Variants in CYP4F12 observed in about 807,000 individuals in gnomAD.
CYP4F12 encodes the protein cytochrome P450 family 4 subfamily F member 12.
In CYP4F12, 60 loss-of-function variants were observed where a neutral mutation model predicts 56.5. The observed-to-expected ratio is 1.06, with a 90% confidence interval of 0.86 to 1.32. The LOEUF is 1.32. Among genes scored for constraint, CYP4F12 ranks in the 40% most tolerant of loss-of-function variants. The probability of loss-of-function intolerance (pLI) is 0.00; values close to 1 mark genes in which losing one functional copy is unlikely to be tolerated. For synonymous variants in CYP4F12, 263 were observed against 264.9 expected, an observed-to-expected ratio of 0.99 and a Z score of 0.07; for missense variants, 711 against 683.5, an observed-to-expected ratio of 1.04 and a Z score of -0.45.
At chr19:15,680,833 A>T in intron 5 of CYP4F12, 1 of 384,660 alleles carries the variant, frequency 2.6e-6, no homozygotes, top group South Asian at 2.1e-5. Flanking sequence ...TCATTGGCTT[A>T]GAGCCATAAG....
intron 3 of CYP4F12, 129 bp downstream of exon 3, chr19:15,678,534 T>A: frequency 8.0e-7 from 1 of 1,251,588 alleles, no homozygotes; most frequent in Non-Finnish European, 1.1e-6. Context: ...TCTCCCTCCA[T>A]TGCCATCTGC....
In CYP4F12 at chr19:15,696,248, C is replaced by T. The variant is rs367712826; in HGVS notation, c.1314+23C>T. The stretch of plus-strand genomic sequence containing the variant: ...GAGGTGCTGCCTTCCCCATTCACCA[C>T]CACCACCCCCATCCTCTACTTTTGT... On this transcript the variant is annotated intron_variant, in intron 11 of 12. Coordinates refer to ENST00000550308, the MANE Select transcript of CYP4F12 (RefSeq NM_023944.4). 2.5e-6 allele frequency: 4 copies of T among 1,613,702 alleles called. No individual in the cohort carries two copies. In the African/African-American group the frequency reaches 4.0e-5, roughly 16 times the overall value.
intron 3 of CYP4F12, among the ~76,000 whole-genome samples, chr19:15,679,755 C>A (rs1375524605): frequency 2.0e-5 from 3 of 152,196 alleles, no homozygotes; most frequent in Non-Finnish European, 4.4e-5. Context: ...TTTCGGAATC[C>A]ATTCTAATCA....
chr19:15,695,961 C>A lies in CYP4F12; in HGVS notation c.1141C>A (p.Leu381Met). Residue 381 changes from leucine (L) to methionine (M), a missense_variant, in exon 10 of 13, where the codon CTG becomes ATG. Coordinates refer to ENST00000550308, the MANE Select transcript of CYP4F12 (RefSeq NM_023944.4). ...GGACGACCTGGCCCAGCTGCCCTTC[C>A]TGACCATGTGCGTGAAGGAGAGCCT... ...EWDDLAQLPF[L>M]TMCVKESLRL... 1 of 1,613,802 alleles carries A rather than the reference C, an allele frequency of 6.2e-7. No homozygotes were observed. The highest frequency in any genetic ancestry group is 8.5e-7 in the Non-Finnish European group (1 of 1,179,892).
intron 5 of CYP4F12, chr19:15,681,398 G>A (rs1190154059): frequency 6.6e-6 from 1 of 152,230 alleles, no homozygotes. Context: ...AAACTGATAA[G>A]TTAGCTTGTT....
chr19:15,673,327 G>C, intron 1 of CYP4F12, 192 bp downstream of exon 1: 2 of 606,498 alleles, frequency 3.3e-6, no homozygotes. Flanking sequence ...TTCCCTTTCT[G>C]TGTGGTTACC....
At position 15,682,523 on chromosome 19, in the gene CYP4F12, C is replaced by T. The variant is rs1351492055; in HGVS notation, c.647+13C>T. 20 of 1,612,330 alleles carry T rather than the reference C, an allele frequency of 1.2e-5. No homozygotes were observed. Among genetic ancestry groups the T allele is most frequent in the East Asian group, 4.5e-5 (2 of 44,818 alleles). ...GCCATTGTCAGGAGTGAGTTCCTTCCTAGGGCCTGGGATATGAATCCATGG... is the reference window on the plus strand; with the variant it reads ...GCCATTGTCAGGAGTGAGTTCCTTCTTAGGGCCTGGGATATGAATCCATGG... On this transcript the variant is annotated intron_variant, in intron 6 of 12. Transcript: ENST00000550308.
intron 9 of CYP4F12, among the ~76,000 whole-genome samples, chr19:15,691,393 C>T (rs1308818625): frequency 6.6e-6 from 1 of 152,214 alleles, no homozygotes; most frequent in Non-Finnish European, 1.5e-5. Context: ...AGACCATTTG[C>T]ATTCTACAGT....
intron 9 of CYP4F12, 105 bp downstream of exon 9, chr19:15,685,302 A>G: frequency 1.3e-6 from 2 of 1,506,440 alleles, no homozygotes; most frequent in African/African-American, 1.4e-5. Context: ...ACTATTGCTT[A>G]GTGGGTATAA....
In CYP4F12 at chr19:15,678,400, C is replaced by T; in HGVS notation, c.338C>T (p.Ala113Val). Reference protein sequence around the residue: ...HPDTIRSITNASAAIAPKDNL... With the variant: ...HPDTIRSITNVSAAIAPKDNL... ...GACACCATCCGGTCTATCACCAATGCCTCAGGTACCCATGCAGAGCTTGTG... is the reference window on the plus strand; with the variant it reads ...GACACCATCCGGTCTATCACCAATGTCTCAGGTACCCATGCAGAGCTTGTG... The change falls in exon 3 of 13, where the codon GCC becomes GTC. Residue 113 changes from alanine (A) to valine (V), a missense_variant. Ala to Val is a moderately conservative substitution (Grantham distance 64, BLOSUM62 0). Coordinates refer to ENST00000550308, the MANE Select transcript of CYP4F12 (RefSeq NM_023944.4). The T allele has an allele frequency of 6.2e-7, 1 of 1,614,146 alleles. No individual in the cohort carries two copies.
At chr19:15,683,105 A>G (rs910819918) in intron 6 of CYP4F12, among the ~76,000 whole-genome samples, 22 of 151,800 alleles carry the variant, frequency 1.4e-4, no homozygotes, top group Non-Finnish European at 1.0e-4. Context: ...AGAGAGAGAG[A>G]GAGAAAGAGA....
chr19:15,682,769 G>T (rs752329497), intron 6 of CYP4F12, among the ~76,000 whole-genome samples: 2 of 152,164 alleles, frequency 1.3e-5, no homozygotes, highest in Non-Finnish European at 2.9e-5. Context: ...AGATATTAAG[G>T]GCACTGAAAA....
rs1357185850 is a variant in CYP4F12 at position 15,684,827 on chromosome 19, G to A, written c.930G>A (p.Gly310=). Residue 310 remains glycine (G), a synonymous_variant, in exon 8 of 13, where the codon GGG becomes GGA. Transcript: ENST00000550308. ...DVLLLSKDED[G]KALSDEDIRA... is the part of the protein sequence containing the mutation. ...TGCTTTCTCTTCAGGATGAAGATGG[G>A]AAGGCATTGTCAGATGAGGATATAA... The A allele has an allele frequency of 6.2e-7, 1 of 1,608,978 alleles. No homozygotes were observed. The highest frequency in any genetic ancestry group is 2.2e-5 in the East Asian group (1 of 44,806).
At chr19:15,684,682 A>G in intron 7 of CYP4F12, 134 bp from the exon 8 acceptor site, 1 of 870,190 alleles carries the variant, frequency 1.1e-6, no homozygotes, top group Non-Finnish European at 1.8e-6. Context: ...TGCAGAGTGC[A>G]TTTGAGTTTC....
chr19:15,690,293 T>C (rs1268976061), intron 9 of CYP4F12, among the ~76,000 whole-genome samples: 1 of 152,220 alleles, frequency 6.6e-6, no homozygotes, highest in African/African-American at 2.4e-5. Context: ...ATTAAGTCAA[T>C]TTAATAAACA....
chr19:15,695,007 T>C (rs1243205324), intron 9 of CYP4F12, among the ~76,000 whole-genome samples: 2 of 152,132 alleles, frequency 1.3e-5, no homozygotes, highest in Non-Finnish European at 2.9e-5. Context: ...ACTGGGTATA[T>C]ACCCAAAGGA....
At chr19:15,686,331 T>C (rs1424087581) in intron 9 of CYP4F12, among the ~76,000 whole-genome samples, 3 of 152,160 alleles carry the variant, frequency 2.0e-5, no homozygotes, top group East Asian at 1.9e-4. Flanking sequence ...ACTGAAACCC[T>C]GAATGGTGAT....
In CYP4F12 at chr19:15,684,991, A is replaced by C. The variant is rs1016840061; in HGVS notation, c.986-77A>C. 33 of 1,576,232 alleles carry C rather than the reference A, an allele frequency of 2.1e-5. No homozygotes were observed. The African/African-American group carries it at 4.5e-4, about 21-fold the overall frequency. On this transcript the variant is annotated intron_variant, in intron 8 of 12. Coordinates refer to ENST00000550308, the MANE Select transcript of CYP4F12 (RefSeq NM_023944.4). The stretch of plus-strand genomic sequence containing the variant: ...TTCTGCCCATCTTCCCCCTCCCTCC[A>C]TCCTCCTGAGGGCCTCAATATCTGG...
intron 8 of CYP4F12, 82 bp from the exon 9 acceptor site, chr19:15,684,986 C>T (rs1004157351): frequency 4.7e-5 from 74 of 1,573,238 alleles, no homozygotes; most frequent in Admixed American, 2.9e-4. Flanking sequence ...CTTCCCCCTC[C>T]CTCCATCCTC....
Sources: gnomAD v4.1 joint callset for allele counts (sites outside exome capture counted in the v4.1 genomes callset) on GRCh38, gnomAD v4.1.1 for gene constraint, MANE v1.5 for transcripts, NCBI Gene and HGNC (gene_info 2026-07-23, HGNC 2026-07-21) for gene names.